RGSL1: variants seen among roughly 807,000 people sequenced by gnomAD.
RGSL1 encodes regulator of G protein signaling protein-like.
RGSL1 carries 97 observed loss-of-function variants against 124.7 expected under a neutral mutation model. The observed-to-expected ratio is 0.78, with a 90% CI of 0.66 to 0.92. RGSL1 has a LOEUF of 0.92. RGSL1 is among the 40% of genes least tolerant of loss of function. RGSL1 has a pLI of 0.00. For missense variants in RGSL1, 1,233 were observed against 1,288.4 expected (o/e 0.96, Z 0.66); for synonymous variants, 424 against 438.1 (o/e 0.97, Z 0.40).
In RGSL1 at chr1:182,493,039, T is replaced by C. The variant is rs1234739042; in HGVS notation, c.1735T>C (p.Phe579Leu). 7 of 1,550,926 alleles carry C rather than the reference T, an allele frequency of 4.5e-6. No homozygotes were observed. The change falls in exon 9 of 22, where the codon TTT (phenylalanine) becomes CTT (leucine). Residue 579 changes from phenylalanine to leucine, a missense_variant. Coordinates refer to ENST00000294854, the MANE Select transcript of RGSL1 (RefSeq NM_001137669.2). ...CTTCACAGACATAACTAAAATGTCC[T>C]TTGAGGAGCTTTGCTACAAGAACCC... Reference protein sequence around the residue: ...VFLTDITKMSFEELCYKNPKM... With the variant: ...VFLTDITKMSLEELCYKNPKM...
At chr1:182,480,957 G>A (rs1307866828) in intron 6 of RGSL1, among the ~76,000 whole-genome samples, 2 of 152,006 alleles carry the variant, frequency 1.3e-5, no homozygotes, top group African/African-American at 4.8e-5. Context: ...TGCAGCAAAA[G>A]CAGTACTAAG....
At chr1:182,475,299 G>T (rs192845963) in intron 6 of RGSL1, among the ~76,000 whole-genome samples, 7 of 152,296 alleles carry the variant, frequency 4.6e-5, no homozygotes, top group African/African-American at 1.7e-4. Context: ...AAAAGCAAGA[G>T]AATACTCTGA....
chr1:182,488,725 C>CAAA (rs561296385), intron 7 of RGSL1: 393 of 104,088 alleles, frequency 3.8e-3, no homozygotes, highest in South Asian at 6.2e-3. Flanking sequence ...GACTCCGTCT[C>CAAA]AAAAAAAAAA....
At chr1:182,560,058 G>T (rs762850592) in intron 21 of RGSL1, among the ~76,000 whole-genome samples, 1 of 152,216 alleles carries the variant, frequency 6.6e-6, no homozygotes, top group Non-Finnish European at 1.5e-5. Flanking sequence ...ATGACTAAAT[G>T]AATTGTGCTG....
chr1:182,474,731 C>CCA (rs1654152034), intron 6 of RGSL1, among the ~76,000 whole-genome samples, 189 bp downstream of exon 6: 1 of 152,248 alleles, frequency 6.6e-6, no homozygotes, highest in Admixed American at 6.5e-5. Context: ...CTGTATCAGT[C>CCA]CATGGCCTGT....
chr1:182,537,687 T>C (rs266530), intron 14 of RGSL1, among the ~76,000 whole-genome samples: 14,000 of 152,234 alleles, frequency 0.092, 797 homozygotes, highest in Non-Finnish European at 0.13. Flanking sequence ...AAAACCTTCC[T>C]TGGTATTCTA....
At chr1:182,471,371 C>A (rs780742214) in intron 4 of RGSL1, 1 of 457,376 alleles carries the variant, frequency 2.2e-6, no homozygotes, top group Non-Finnish European at 4.4e-6. Context: ...CTATTCCTAC[C>A]TCACAGGCAG....
intron 20 of RGSL1, 167 bp downstream of exon 20, chr1:182,554,860 G>A (rs1039280488): frequency 1.1e-5 from 7 of 660,656 alleles, no homozygotes; most frequent in Admixed American, 2.7e-5. Context: ...TTAAAGAGGT[G>A]TTTCTCTGTG....
At chr1:182,546,642 C>T (rs1660229502) in intron 15 of RGSL1, among the ~76,000 whole-genome samples, 1 of 152,218 alleles carries the variant, frequency 6.6e-6, no homozygotes, top group Non-Finnish European at 1.5e-5. Context: ...TCGCCTGCCT[C>T]AGCCTCTCAA....
chr1:182,454,136 T>C, intron 2 of RGSL1, 96 bp downstream of exon 2: 1 of 753,784 alleles, frequency 1.3e-6, no homozygotes. Flanking sequence ...TTGTTGTTAT[T>C]TGGGGTTTTA....
At chr1:182,449,233 A>C (rs765180412), upstream of RGSL1, 1 of 152,228 alleles carries the variant, frequency 6.6e-6, no homozygotes, top group Admixed American at 6.5e-5. Flanking sequence ...TCTTCTCACT[A>C]AAATCACTTT....
chr1:182,463,183 A>C lies in RGSL1; in HGVS notation c.301+3050A>C, dbSNP rs142006046. Among the ~76,000 whole-genome samples, 178 of 151,784 alleles carry C rather than the reference A, an allele frequency of 1.2e-3. 3 individuals are homozygous for C. The highest frequency in any genetic ancestry group is 9.9e-3 in the East Asian group (51 of 5,144). On this transcript the variant is annotated intron_variant, in intron 4 of 21. Coordinates refer to ENST00000294854, the MANE Select transcript of RGSL1 (RefSeq NM_001137669.2). ...GTGACAGGCGCCTGTAGTCCCACCT[A>C]CTTGGGAAGTTGAGGCAGGAGAATG...
intron 9 of RGSL1, among the ~76,000 whole-genome samples, chr1:182,515,287 G>A (rs915912490): frequency 8.5e-5 from 13 of 152,150 alleles, no homozygotes; most frequent in African/African-American, 3.1e-4. Flanking sequence ...GACAGGAATT[G>A]GTCCTGCGCA....
intron 1 of RGSL1, among the ~76,000 whole-genome samples, chr1:182,451,158 A>AAG (rs1558209155): frequency 2.0e-5 from 3 of 151,972 alleles, no homozygotes; most frequent in Admixed American, 6.6e-5. Context: ...AAAAAAAAAA[A>AAG]AAAAGATTGA....
rs1344673095 is a variant in RGSL1 at position 182,556,037 on chromosome 1, T to C, written c.3211T>C (p.Tyr1071His). 2 of 1,551,374 alleles carry C rather than the reference T, an allele frequency of 1.3e-6. No individual in the cohort carries two copies. Among genetic ancestry groups the C allele is most frequent in the Non-Finnish European group, 1.7e-6 (2 of 1,146,808 alleles). The change falls in exon 21 of 22, where the codon TAC becomes CAC. Residue 1071 changes from tyrosine (Y) to histidine (H), a missense_variant. By Grantham distance (83) the Tyr-to-His change is moderately conservative (BLOSUM62 2). Coordinates refer to ENST00000294854, the MANE Select transcript of RGSL1 (RefSeq NM_001137669.2). ...LHPVQGQKLS[Y>H]IKKEK ...CTCTCCCTTCAGACAAAAATTATCC[T>C]ACATCAAAAAAGAGAAGTAATCAAG... is the stretch of plus-strand genomic sequence containing the variant.
chr1:182,484,940 T>C (rs978201834), intron 6 of RGSL1, among the ~76,000 whole-genome samples: 2 of 152,136 alleles, frequency 1.3e-5, no homozygotes, highest in Admixed American at 1.3e-4. Flanking sequence ...TGCTTGCCCC[T>C]GGAGCAAGAC....
At chr1:182,488,555 T>G in intron 7 of RGSL1, 1 of 532,364 alleles carries the variant, frequency 1.9e-6, no homozygotes, top group South Asian at 2.2e-5. Context: ...TGAAACCCCG[T>G]CTCTACTAAA....
chr1:182,477,877 C>T (rs1448142920), intron 6 of RGSL1, among the ~76,000 whole-genome samples: 3 of 152,054 alleles, frequency 2.0e-5, no homozygotes, highest in Admixed American at 1.3e-4. Flanking sequence ...GTGACTCCTC[C>T]GTCAAGCGTA....
chr1:182,530,394 C>G, intron 12 of RGSL1, 33 bp downstream of exon 12: 1 of 1,502,124 alleles, frequency 6.7e-7, no homozygotes, highest in Non-Finnish European at 9.0e-7. Flanking sequence ...AGGATTCTTC[C>G]TGGAGTTGCT....
Sources: allele counts gnomAD v4.1 joint callset (sites outside exome capture counted in the v4.1 genomes callset), GRCh38; gene constraint gnomAD v4.1.1; transcripts MANE v1.5; gene names NCBI Gene and HGNC (gene_info 2026-07-23, HGNC 2026-07-21).